BICC1: variants seen among roughly 807,000 people sequenced by gnomAD.
BICC1 encodes protein bicaudal C homolog 1.
A neutral mutation model predicts 111.0 loss-of-function variants in BICC1; 43 were observed. The observed-to-expected ratio is 0.39, with a 90% CI of 0.30 to 0.50. BICC1 has a LOEUF of 0.50. BICC1 is among the 20% of genes least tolerant of loss of function. The pLI is 0.88. For synonymous variants in BICC1, 467 were observed against 434.4 expected, an observed-to-expected ratio of 1.07 and a Z score of -0.93; for missense variants, 1,091 against 1,203.2, an observed-to-expected ratio of 0.91 and a Z score of 1.38.
Position 58,659,377 on chromosome 10 carries a change from T to C in BICC1, c.237+38476T>C, listed in dbSNP as rs947363554. On this transcript the variant is annotated intron_variant, in intron 2 of 20. Transcript: ENST00000373886. ...CTGGATAAAGAAAATGTGGTACATA[T>C]ACACCATGGAATACTACACACCCAT... 7.2e-5 allele frequency among the ~76,000 whole-genome samples: 11 copies of C among 152,182 alleles called. No individual in the cohort carries two copies. In the South Asian group the frequency reaches 1.2e-3, roughly 17 times the overall value.
At chr10:58,524,543 A>G (rs1412624130) in intron 1 of BICC1, among the ~76,000 whole-genome samples, 1 of 151,944 alleles carries the variant, frequency 6.6e-6, no homozygotes, top group Non-Finnish European at 1.5e-5. Context: ...TTAATTCAAG[A>G]TTGATCAAAA....
intron 2 of BICC1, among the ~76,000 whole-genome samples, chr10:58,693,649 T>G (rs1839980603): frequency 6.6e-6 from 1 of 151,946 alleles, no homozygotes; most frequent in East Asian, 1.9e-4. Context: ...TTTGGCTGCA[T>G]AAATGTCTTC....
In BICC1 at chr10:58,796,362, A is replaced by C; in HGVS notation, c.1202A>C (p.Glu401Ala). 1 of 1,613,488 alleles carries C rather than the reference A, an allele frequency of 6.2e-7. No individual in the cohort carries two copies. The highest frequency in any genetic ancestry group is 1.3e-5 in the African/African-American group (1 of 74,838). ...TAGTCTGTGATTGTGAAAAGTGTTGAGCGAAATGCCTTAAATATGTATGAA... is the reference window on the plus strand; with the variant it reads ...TAGTCTGTGATTGTGAAAAGTGTTGCGCGAAATGCCTTAAATATGTATGAA... ...PSKSVIVKSV[E>A]RNALNMYEAR... Residue 401 changes from glutamate to alanine, a missense_variant, in exon 10 of 21, where the codon GAG (glutamate) becomes GCG (alanine). Coordinates refer to ENST00000373886, the MANE Select transcript of BICC1 (RefSeq NM_001080512.3).
chr10:58,793,669 G>A, intron 9 of BICC1, 54 bp downstream of exon 9: 2 of 1,570,280 alleles, frequency 1.3e-6, no homozygotes, highest in East Asian at 2.3e-5. Context: ...ATGCTGTATA[G>A]TTTTATTTTG....
intron 3 of BICC1, among the ~76,000 whole-genome samples, chr10:58,742,773 G>A (rs180928124): frequency 9.1e-4 from 139 of 152,114 alleles, no homozygotes; most frequent in African/African-American, 3.2e-3. Flanking sequence ...CAACAGCTTT[G>A]GCTTGATGTG....
chr10:58,785,097 G>T lies in BICC1; in HGVS notation c.387+17G>T. 2 of 1,503,162 alleles carry T rather than the reference G, an allele frequency of 1.3e-6. No homozygotes were observed. Among genetic ancestry groups the T allele is most frequent in the Admixed American group, 1.9e-5 (1 of 52,106 alleles). 93.1% of individuals were successfully genotyped at this position (1,503,162 alleles called of 1,614,324 possible). On this transcript the variant is annotated intron_variant, in intron 4 of 20. Coordinates refer to ENST00000373886, the MANE Select transcript of BICC1 (RefSeq NM_001080512.3). ...GACACAAAAGTAAGTGAATGTTAAG[G>T]ACACTCAGATGTCAGAACCTTGTCT...
chr10:58,515,373 G>A (rs187604676), intron 1 of BICC1, among the ~76,000 whole-genome samples: 2 of 152,116 alleles, frequency 1.3e-5, no homozygotes, highest in Non-Finnish European at 2.9e-5. Flanking sequence ...TGTGTAGCCT[G>A]CTACACCTAC....
intron 1 of BICC1, among the ~76,000 whole-genome samples, chr10:58,574,113 A>AAT (rs1490717698): frequency 6.6e-6 from 1 of 152,254 alleles, no homozygotes; most frequent in East Asian, 1.9e-4. Context: ...TCTCAGCTGG[A>AAT]ATAACCCACC....
At chr10:58,756,948 A>G (rs1842165541) in intron 3 of BICC1, among the ~76,000 whole-genome samples, 1 of 152,222 alleles carries the variant, frequency 6.6e-6, no homozygotes, top group African/African-American at 2.4e-5. Flanking sequence ...ATAGTGAAGC[A>G]TGCTTGTATG....
chr10:58,520,396 T>C (rs572341665), intron 1 of BICC1, among the ~76,000 whole-genome samples: 54 of 152,142 alleles, frequency 3.5e-4, no homozygotes, highest in Non-Finnish European at 6.0e-4. Flanking sequence ...TCTAGGGCAG[T>C]CTCCAGAGAG....
chr10:58,790,777 AT>A (rs1843152818), intron 8 of BICC1, among the ~76,000 whole-genome samples: 1 of 152,254 alleles, frequency 6.6e-6, no homozygotes, highest in African/African-American at 2.4e-5. Context: ...GTAAGCCCAG[AT>A]GGCACCACTG....
chr10:58,665,554 A>G (rs978544338), intron 2 of BICC1, among the ~76,000 whole-genome samples: 9 of 152,174 alleles, frequency 5.9e-5, no homozygotes, highest in Admixed American at 1.3e-4. Context: ...TTCTATCGCC[A>G]ATAGTGCATA....
intron 3 of BICC1, among the ~76,000 whole-genome samples, chr10:58,761,056 C>T (rs1431267220): frequency 1.3e-5 from 2 of 151,996 alleles, no homozygotes; most frequent in African/African-American, 2.4e-5. Context: ...CAGGGTTTCA[C>T]CATGTTGGCC....
intron 17 of BICC1, among the ~76,000 whole-genome samples, chr10:58,809,091 C>T (rs1337856228): frequency 6.6e-5 from 10 of 152,096 alleles, no homozygotes; most frequent in African/African-American, 1.7e-4. Flanking sequence ...GGCAGGATCT[C>T]GCCTCACTGC....
chr10:58,736,838 AGGG>A (rs1841482408), intron 3 of BICC1, among the ~76,000 whole-genome samples: 1 of 152,126 alleles, frequency 6.6e-6, no homozygotes, highest in Non-Finnish European at 1.5e-5. Context: ...GAGTAGTGCT[AGGG>A]GAATCTAAAT....
intron 3 of BICC1, among the ~76,000 whole-genome samples, chr10:58,717,882 G>A (rs983894742): frequency 6.6e-6 from 1 of 152,148 alleles, no homozygotes; most frequent in East Asian, 1.9e-4. Context: ...AATTGTTCTT[G>A]CTCCTCTTTG....
At chr10:58,570,664 GA>G (rs1843920645) in intron 1 of BICC1, among the ~76,000 whole-genome samples, 1 of 152,072 alleles carries the variant, frequency 6.6e-6, no homozygotes, top group African/African-American at 2.4e-5. Flanking sequence ...TAATATATTT[GA>G]GTCAGCAGAG....
chr10:58,674,653 A>T (rs1269409918), intron 2 of BICC1, among the ~76,000 whole-genome samples: 1 of 152,212 alleles, frequency 6.6e-6, no homozygotes, highest in East Asian at 1.9e-4. Flanking sequence ...TAACTATCAT[A>T]AGAGGTGATA....
chr10:58,820,533 T>C, intron 20 of BICC1, 65 bp downstream of exon 20: 1 of 1,244,028 alleles, frequency 8.0e-7, no homozygotes. Flanking sequence ...TCTCAGCCAT[T>C]GGGTTGTTTC....
Sources: allele counts gnomAD v4.1 joint callset (sites outside exome capture counted in the v4.1 genomes callset), GRCh38; gene constraint gnomAD v4.1.1; transcripts MANE v1.5; gene names NCBI Gene and HGNC (gene_info 2026-07-23, HGNC 2026-07-21).